Variants in GBE1 observed in about 807,000 individuals in gnomAD.
GBE1 encodes the protein 1,4-alpha-glucan-branching enzyme.
Under a neutral mutation model 88.8 loss-of-function variants are expected in GBE1, and 70 were observed. That is an observed-to-expected ratio of 0.79 (90% confidence interval 0.65 to 0.96). GBE1 has a LOEUF of 0.96. GBE1 is among the 40% of genes least tolerant of loss of function. The pLI is 0.00. For synonymous variants in GBE1, 284 were observed against 300.1 expected (o/e 0.95, Z 0.56); for missense variants, 872 against 871.0 (o/e 1.00, Z -0.01).
At chr3:81,532,389 T>C (rs1703022112) in intron 14 of GBE1, among the ~76,000 whole-genome samples, 1 of 152,088 alleles carries the variant, frequency 6.6e-6, no homozygotes. Flanking sequence ...TACTTTCTAT[T>C]GTTCAAAGTG....
intron 12 of GBE1, among the ~76,000 whole-genome samples, chr3:81,544,733 A>G (rs6548768): frequency 0.66 from 100,155 of 151,984 alleles, 34,981 homozygotes; most frequent in East Asian, 0.92. Flanking sequence ...GCAAAATTCC[A>G]ATTGGGACTC....
intron 2 of GBE1, among the ~76,000 whole-genome samples, chr3:81,675,040 T>A (rs2107120669): frequency 6.6e-6 from 1 of 152,104 alleles, no homozygotes; most frequent in East Asian, 1.9e-4. Context: ...TAGAGTTTTT[T>A]ATAAAGATCT....
At chr3:81,671,672 G>T (rs1705192732) in intron 2 of GBE1, among the ~76,000 whole-genome samples, 2 of 152,032 alleles carry the variant, frequency 1.3e-5, no homozygotes, top group South Asian at 4.2e-4. Flanking sequence ...ATTTGAACAT[G>T]GATTAATACT....
chr3:81,645,547 A>T (rs1297045538), intron 6 of GBE1, among the ~76,000 whole-genome samples: 1 of 152,200 alleles, frequency 6.6e-6, no homozygotes, highest in Non-Finnish European at 1.5e-5. Flanking sequence ...ACCAGAGTGG[A>T]GGATTTGGAG....
At chr3:81,703,911 T>A (rs1705736135) in intron 2 of GBE1, among the ~76,000 whole-genome samples, 1 of 152,048 alleles carries the variant, frequency 6.6e-6, no homozygotes, top group African/African-American at 2.4e-5. Context: ...GTGCCTAGGT[T>A]ATATGCAAAT....
chr3:81,574,211 A>C (rs1456757665), intron 12 of GBE1, among the ~76,000 whole-genome samples: 2 of 152,240 alleles, frequency 1.3e-5, no homozygotes, highest in Admixed American at 1.3e-4. Flanking sequence ...ATCAGACAAC[A>C]TTCTAAAAAA....
chr3:81,727,756 A>G (rs914079860), intron 1 of GBE1, among the ~76,000 whole-genome samples: 3 of 152,166 alleles, frequency 2.0e-5, no homozygotes, highest in Non-Finnish European at 4.4e-5. Context: ...AAAAATAGGG[A>G]AAAAGTAGGC....
rs1045057909 is a variant in GBE1 at position 81,665,404 on chromosome 3, CG to C, written c.429+5433del. Among the ~76,000 whole-genome samples the C allele has an allele frequency of 3.9e-4, 59 of 151,866 alleles. 1 individual carries two copies. Among genetic ancestry groups the C allele is most frequent in the Non-Finnish European group, 3.4e-4 (23 of 67,950 alleles). On this transcript the variant is annotated intron_variant, in intron 3 of 15. Coordinates refer to ENST00000429644, the MANE Select transcript of GBE1 (RefSeq NM_000158.4). ...AAAAAAAATTAGCCGGGCGTGGTGG[CG>C]GGCGCCTGTAGTCCCAGCTGCTCGA...
intron 7 of GBE1, among the ~76,000 whole-genome samples, chr3:81,629,456 T>C (rs1234024827): frequency 1.3e-5 from 2 of 152,144 alleles, no homozygotes; most frequent in Non-Finnish European, 2.9e-5. Context: ...AGACATTTAG[T>C]ACTTTTCATA....
At chr3:81,662,881 A>G (rs1348028028) in intron 3 of GBE1, among the ~76,000 whole-genome samples, 1 of 152,198 alleles carries the variant, frequency 6.6e-6, no homozygotes, top group African/African-American at 2.4e-5. Context: ...TCTTGCAGCT[A>G]GATTTCAACA....
intron 7 of GBE1, among the ~76,000 whole-genome samples, chr3:81,609,671 T>C (rs941944330): frequency 3.9e-5 from 6 of 152,180 alleles, no homozygotes. Flanking sequence ...AAGCAGCTCA[T>C]GGACTTTATG....
At chr3:81,718,903 G>T (rs1040525558) in intron 1 of GBE1, among the ~76,000 whole-genome samples, 2 of 151,998 alleles carry the variant, frequency 1.3e-5, no homozygotes, top group African/African-American at 4.8e-5. Flanking sequence ...CCAAAGTGCT[G>T]GGATTATAGG....
At chr3:81,543,266 T>C (rs964553465) in intron 12 of GBE1, among the ~76,000 whole-genome samples, 9 of 152,086 alleles carry the variant, frequency 5.9e-5, no homozygotes, top group Non-Finnish European at 1.2e-4. Flanking sequence ...ATATAGAAAG[T>C]TGCATACAAC....
intron 2 of GBE1, among the ~76,000 whole-genome samples, chr3:81,703,379 A>G (rs1705727326): frequency 6.6e-6 from 1 of 152,010 alleles, no homozygotes; most frequent in Non-Finnish European, 1.5e-5. Context: ...AAATTTTCTA[A>G]CAACTCTCGA....
intron 3 of GBE1, among the ~76,000 whole-genome samples, chr3:81,668,842 T>C (rs536177475): frequency 6.6e-6 from 1 of 152,298 alleles, no homozygotes; most frequent in Non-Finnish European, 1.5e-5. Context: ...AGCTTGATAG[T>C]TACTTCCACA....
intron 1 of GBE1, among the ~76,000 whole-genome samples, chr3:81,749,409 T>G (rs117633183): frequency 6.6e-6 from 1 of 152,140 alleles, no homozygotes; most frequent in East Asian, 1.9e-4. Context: ...ATGAAAAACA[T>G]TACAGACATG....
chr3:81,581,120 G>A (rs1488449404), intron 11 of GBE1, 45 bp downstream of exon 11: 1 of 622,558 alleles, frequency 1.6e-6, no homozygotes, highest in South Asian at 2.9e-5. Flanking sequence ...GAAGGAGGAA[G>A]AGAGAGAGAG....
intron 7 of GBE1, among the ~76,000 whole-genome samples, chr3:81,616,786 A>G (rs1704253550): frequency 6.6e-6 from 1 of 152,142 alleles, no homozygotes; most frequent in African/African-American, 2.4e-5. Flanking sequence ...TTGGAGAAAA[A>G]TGACATCTTT....
intron 1 of GBE1, among the ~76,000 whole-genome samples, chr3:81,716,877 A>G (rs1466810394): frequency 6.6e-6 from 1 of 152,184 alleles, no homozygotes; most frequent in Non-Finnish European, 1.5e-5. Flanking sequence ...TCTTCTGGCA[A>G]AGTGAAAACC....
Sources: allele counts gnomAD v4.1 joint callset (sites outside exome capture counted in the v4.1 genomes callset), GRCh38; gene constraint gnomAD v4.1.1; transcripts MANE v1.5; gene names NCBI Gene and HGNC (gene_info 2026-07-23, HGNC 2026-07-21).